Variants in PSAT1 observed in about 807,000 individuals in gnomAD.
The protein encoded by PSAT1 is phosphoserine aminotransferase 1.
Under a neutral mutation model 40.3 loss-of-function variants are expected in PSAT1, and 41 were observed. That is an observed-to-expected ratio of 1.02 (90% CI 0.79 to 1.32). The LOEUF is 1.32. Ranked by LOEUF, PSAT1 falls within the 40% of genes most tolerant of loss-of-function variation. The probability of loss-of-function intolerance (pLI) is 0.00; values close to 1 mark genes in which losing one functional copy is unlikely to be tolerated. For synonymous variants in PSAT1, 147 were observed against 170.5 expected (o/e 0.86, Z 1.07); for missense variants, 406 against 455.8 (o/e 0.89, Z 0.99).
intron 7 of PSAT1, among the ~76,000 whole-genome samples, chr9:78,320,322 T>TTCCCTCCA (rs1828409140): frequency 6.8e-6 from 1 of 146,088 alleles, no homozygotes; most frequent in African/African-American, 2.6e-5. Flanking sequence ...TCCATCAATC[T>TTCCCTCCA]TCCATCCATC....
At chr9:78,317,827 C>A (rs1325952423) in intron 7 of PSAT1, 23 bp downstream of exon 7, 2 of 1,609,594 alleles carry the variant, frequency 1.2e-6, no homozygotes, top group South Asian at 1.1e-5. Flanking sequence ...ATTTTATCTC[C>A]TATTTTGCCT....
intron 2 of PSAT1, 50 bp downstream of exon 2, chr9:78,300,712 T>C: frequency 1.0e-5 from 4 of 389,738 alleles, no homozygotes; most frequent in Non-Finnish European, 7.5e-6. Flanking sequence ...AAAGGAAGCT[T>C]TTTTTTTTTT....
Position 78,306,387 on chromosome 9 carries a change from G to A in PSAT1, c.471G>A (p.Val157=). ...TGTATTATTGCGCAAATGAGACGGT[G>A]CATGGTGTGGAGTTTGACTTTATAC... ...SYVYYCANET[V]HGVEFDFIPD... Residue 157 remains valine (V), a synonymous_variant, in exon 5 of 9, where the codon GTG becomes GTA. Transcript: ENST00000376588. 1 of 1,613,832 alleles carries A rather than the reference G, an allele frequency of 6.2e-7. No homozygotes were observed. Among genetic ancestry groups the A allele is most frequent in the Non-Finnish European group, 8.5e-7 (1 of 1,180,032 alleles).
At chr9:78,320,931 G>T (rs192561264) in intron 7 of PSAT1, among the ~76,000 whole-genome samples, 4 of 152,226 alleles carry the variant, frequency 2.6e-5, no homozygotes, top group African/African-American at 7.2e-5. Flanking sequence ...AGAAAGAACG[G>T]TGATACCACT....
rs1828550135 is a variant in PSAT1, at chr9:78,329,469, G to A, written c.*383G>A. 1 of 250,904 alleles carries A rather than the reference G, an allele frequency of 4.0e-6. No individual in the cohort carries two copies. The highest frequency in any genetic ancestry group is 7.8e-6 in the Non-Finnish European group (1 of 127,544). The allele number at this position is 250,904 out of a possible 1,614,324, so 15.5% of individuals were successfully genotyped here. On this transcript the variant is annotated 3_prime_UTR_variant, in exon 9 of 9. Coordinates refer to ENST00000376588, the MANE Select transcript of PSAT1 (RefSeq NM_058179.4). ...CACAGAGGGTAGGGGGGCCCTCTAG[G>A]TGCTGAATCTACACATCTGTGGGGT...
At chr9:78,311,693 A>T (rs957820246) in intron 6 of PSAT1, among the ~76,000 whole-genome samples, 2 of 151,988 alleles carry the variant, frequency 1.3e-5, no homozygotes, top group African/African-American at 4.8e-5. Context: ...TTAGCCAGGC[A>T]TGGTGGCGGG....
chr9:78,317,749 T>C lies in PSAT1; in HGVS notation c.814T>C (p.Ser272Pro), dbSNP rs769540951. Residue 272 changes from serine (S) to proline (P), a missense_variant, in exon 7 of 9, where the codon TCC (serine) becomes CCC (proline). Physicochemically the swap from Ser to Pro is moderately conservative, Grantham distance 74 (BLOSUM62 -1). Coordinates refer to ENST00000376588, the MANE Select transcript of PSAT1 (RefSeq NM_058179.4). Reference protein sequence around the residue: ...GGAAAMEKLSSIKSQTIYEII... With the variant: ...GGAAAMEKLSPIKSQTIYEII... ...TGCCGCGGCCATGGAGAAGCTTAGC[T>C]CCATCAAATCTCAAACAATTTATGA... 6.2e-7 allele frequency: 1 copy of C among 1,613,538 alleles called. No homozygotes were observed. The highest frequency in any genetic ancestry group is 1.3e-5 in the African/African-American group (1 of 74,904).
intron 1 of PSAT1, among the ~76,000 whole-genome samples, chr9:78,297,643 A>T (rs1290124889): frequency 6.6e-6 from 1 of 152,174 alleles, no homozygotes. Context: ...AAAAGCTCTG[A>T]TCTCTGCCTT....
At position 78,298,295 on chromosome 9, in the gene PSAT1, GATAATAT is replaced by G. The variant is rs1193915470; in HGVS notation, c.60+1026_60+1032del. ...TTATTTTTCTAACCAGGATAGAGCT[GATAATAT>G]GTTGGAGCAGCATGAGGCATAGCCA... On this transcript the variant is annotated intron_variant, in intron 1 of 8. Transcript: ENST00000376588. 3.0e-6 allele frequency: 3 copies of G among 985,284 alleles called. No individual in the cohort carries two copies. The African/African-American group carries it at 5.2e-5, about 17-fold the overall frequency. 61.0% of individuals were successfully genotyped at this position (985,284 alleles called of 1,614,324 possible).
rs754006053 is a variant in PSAT1 at position 78,302,002 on chromosome 9, A to G, written c.170A>G (p.Glu57Gly). 1.9e-6 allele frequency: 3 copies of G among 1,611,372 alleles called. No homozygotes were observed. Among genetic ancestry groups the G allele is most frequent in the South Asian group, 2.2e-5 (2 of 91,028 alleles). Reference sequence around the variant, plus strand: ...TTTGCCAAGATTATTAACAATACAGAGAATCTTGTGCGGGAATTGCTGTAA... The same window carrying G: ...TTTGCCAAGATTATTAACAATACAGGGAATCTTGTGCGGGAATTGCTGTAA... ...SDFAKIINNT[E>G]NLVRELLAVP... Residue 57 changes from glutamate to glycine, a missense_variant, in exon 3 of 9, where the codon GAG (glutamate) becomes GGG (glycine). Physicochemically the swap from Glu to Gly is moderately conservative, Grantham distance 98. Coordinates refer to ENST00000376588, the MANE Select transcript of PSAT1 (RefSeq NM_058179.4).
At chr9:78,324,163 G>A (rs1489475164) in intron 7 of PSAT1, among the ~76,000 whole-genome samples, 2 of 152,110 alleles carry the variant, frequency 1.3e-5, no homozygotes, top group Non-Finnish European at 2.9e-5. Context: ...TTCAGTCATG[G>A]GGGAACACTG....
chr9:78,309,609 G>A (rs547871940), intron 6 of PSAT1, among the ~76,000 whole-genome samples: 29 of 152,266 alleles, frequency 1.9e-4, no homozygotes, highest in Non-Finnish European at 3.1e-4. Context: ...GTTATCCGCC[G>A]GCTTTGGCCT....
At chr9:78,301,910 T>G (rs771809066) in intron 2 of PSAT1, 44 bp from the exon 3 acceptor site, 18 of 1,470,596 alleles carry the variant, frequency 1.2e-5, no homozygotes, top group Non-Finnish European at 1.7e-5. Context: ...CATTTGGTTT[T>G]GAGCTGGAAT....
chr9:78,313,839 G>T (rs1270340183), intron 6 of PSAT1, among the ~76,000 whole-genome samples: 1 of 152,018 alleles, frequency 6.6e-6, no homozygotes. Flanking sequence ...TGGCGACAGG[G>T]TCTCAATATG....
chr9:78,302,090 G>C, intron 3 of PSAT1, 67 bp downstream of exon 3: 1 of 1,094,260 alleles, frequency 9.1e-7, no homozygotes, highest in South Asian at 1.3e-5. Context: ...ATGTCTTCCA[G>C]TATTTTCTAC....
At chr9:78,299,954 G>A (rs922801600) in intron 1 of PSAT1, among the ~76,000 whole-genome samples, 4 of 151,950 alleles carry the variant, frequency 2.6e-5, no homozygotes, top group Admixed American at 2.6e-4. Flanking sequence ...TCTCTGGCTG[G>A]TTGCTTTTGC....
intron 6 of PSAT1, among the ~76,000 whole-genome samples, chr9:78,311,873 G>A (rs1828273606): frequency 6.8e-6 from 1 of 146,440 alleles, no homozygotes; most frequent in African/African-American, 2.6e-5. Context: ...CAAAAACCAT[G>A]CAAGGTTAGA....
chr9:78,302,010 G>A lies in PSAT1; in HGVS notation c.178G>A (p.Val60Met). Residue 60 changes from valine to methionine, a missense_variant, in exon 3 of 9, where the codon GTG (valine) becomes ATG (methionine). Transcript: ENST00000376588. ...GATTATTAACAATACAGAGAATCTT[G>A]TGCGGGAATTGCTGTAAGTTTTAAA... ...AKIINNTENL[V>M]RELLAVPDNY... 6.2e-7 allele frequency: 1 copy of A among 1,610,434 alleles called. No homozygotes were observed. Among genetic ancestry groups the A allele is most frequent in the Non-Finnish European group, 8.5e-7 (1 of 1,176,760 alleles).
chr9:78,320,731 C>T (rs141890904), intron 7 of PSAT1, among the ~76,000 whole-genome samples: 120 of 146,980 alleles, frequency 8.2e-4, no homozygotes, highest in African/African-American at 2.8e-3. Context: ...CTGCTCTGTA[C>T]ACTAGCCTTG....
Sources: allele counts gnomAD v4.1 joint callset (sites outside exome capture counted in the v4.1 genomes callset), GRCh38; gene constraint gnomAD v4.1.1; transcripts MANE v1.5; gene names NCBI Gene and HGNC (gene_info 2026-07-23, HGNC 2026-07-21).